The following DLGAP2 variants were observed in gnomAD, a reference collection of about 807,000 sequenced individuals.
DLGAP2 encodes the protein disks large-associated protein 2.
A neutral mutation model predicts 100.3 loss-of-function variants in DLGAP2; 26 were observed. The observed-to-expected ratio is 0.26, with a 90% CI of 0.19 to 0.36. The LOEUF is 0.36. DLGAP2 is among the 10% of genes least tolerant of loss of function. DLGAP2 has a pLI of 1.00. For synonymous variants in DLGAP2, 886 were observed against 630.1 expected, an observed-to-expected ratio of 1.41 and a Z score of -6.08; for missense variants, 1,858 against 1,453.2, an observed-to-expected ratio of 1.28 and a Z score of -4.53.
At chr8:1,234,941 C>T (rs1203703763) in intron 2 of DLGAP2, among the ~76,000 whole-genome samples, 1 of 152,046 alleles carries the variant, frequency 6.6e-6, no homozygotes. Flanking sequence ...AGCATTGTGT[C>T]TGCTTCTCTC....
chr8:1,599,547 A>G (rs534870231), intron 6 of DLGAP2, among the ~76,000 whole-genome samples: 1 of 151,956 alleles, frequency 6.6e-6, no homozygotes, highest in Admixed American at 6.6e-5. Context: ...GTCCTCCTGT[A>G]TTGGGTGCTC....
chr8:1,438,447 C>A (rs1473014370), intron 3 of DLGAP2, among the ~76,000 whole-genome samples: 2 of 152,058 alleles, frequency 1.3e-5, no homozygotes, highest in African/African-American at 4.8e-5. Context: ...GCTAATTTAA[C>A]TTAACAGTAA....
chr8:1,327,323 C>T (rs185060143), intron 3 of DLGAP2, among the ~76,000 whole-genome samples: 2 of 152,348 alleles, frequency 1.3e-5, no homozygotes, highest in Admixed American at 6.5e-5. Flanking sequence ...ACCTGTGGCT[C>T]CACGGGGACT....
intron 2 of DLGAP2, among the ~76,000 whole-genome samples, chr8:1,230,689 C>G (rs557351676): frequency 6.6e-6 from 1 of 152,130 alleles, no homozygotes; most frequent in East Asian, 1.9e-4. Flanking sequence ...AATATACAAC[C>G]CAGAAATGAA....
At chr8:1,441,712 A>G (rs1342849438) in intron 3 of DLGAP2, among the ~76,000 whole-genome samples, 3 of 150,576 alleles carry the variant, frequency 2.0e-5, no homozygotes, top group Non-Finnish European at 4.4e-5. Flanking sequence ...AGTAAAACTC[A>G]TATTTAGCAT....
intron 7 of DLGAP2, among the ~76,000 whole-genome samples, chr8:1,627,662 C>T (rs1221940455): frequency 1.3e-5 from 2 of 152,258 alleles, no homozygotes; most frequent in South Asian, 2.1e-4. Flanking sequence ...AACATTTTCT[C>T]TTAGTGTGGA....
intron 5 of DLGAP2, among the ~76,000 whole-genome samples, chr8:1,555,762 G>C (rs1192975960): frequency 6.6e-6 from 1 of 152,204 alleles, no homozygotes; most frequent in East Asian, 1.9e-4. Context: ...CATCATCTTA[G>C]GACCCAACAC....
chr8:1,202,155 G>C (rs1347728377), intron 2 of DLGAP2, among the ~76,000 whole-genome samples: 3 of 151,160 alleles, frequency 2.0e-5, no homozygotes, highest in African/African-American at 7.4e-5. Flanking sequence ...CACATGTGGT[G>C]TGTACAGTAT....
intron 1 of DLGAP2, among the ~76,000 whole-genome samples, chr8:771,028 A>G (rs533009446): frequency 1.3e-5 from 2 of 152,218 alleles, no homozygotes; most frequent in East Asian, 1.9e-4. Flanking sequence ...TGAGTGTCCT[A>G]TTCTCCAGAC....
chr8:1,574,153 T>C (rs867783376), intron 6 of DLGAP2, among the ~76,000 whole-genome samples: 2 of 152,154 alleles, frequency 1.3e-5, no homozygotes, highest in Non-Finnish European at 2.9e-5. Context: ...AGGGAAATAA[T>C]ATTTTATAGT....
chr8:1,371,576 G>A (rs562088595), intron 3 of DLGAP2, among the ~76,000 whole-genome samples: 2 of 152,266 alleles, frequency 1.3e-5, no homozygotes, highest in South Asian at 2.1e-4. Flanking sequence ...CTCACTTCCC[G>A]TGACTTGATT....
intron 3 of DLGAP2, among the ~76,000 whole-genome samples, chr8:1,391,827 C>T (rs1203697193): frequency 1.3e-5 from 2 of 152,258 alleles, no homozygotes; most frequent in Non-Finnish European, 2.9e-5. Context: ...TAAGCGGAAG[C>T]AGCAAATGTG....
intron 6 of DLGAP2, chr8:1,621,137 T>G (rs566808763): frequency 1.3e-5 from 2 of 152,374 alleles, no homozygotes; most frequent in Admixed American, 1.3e-4. Context: ...CAGACTTACG[T>G]GGGAGGTGCC....
chr8:1,107,080 G>T (rs1804798905), intron 2 of DLGAP2, among the ~76,000 whole-genome samples: 1 of 152,168 alleles, frequency 6.6e-6, no homozygotes, highest in Admixed American at 6.5e-5. Flanking sequence ...AACAAAATGT[G>T]ACTTTTGTGT....
At chr8:853,635 G>T (rs959970528) in intron 1 of DLGAP2, among the ~76,000 whole-genome samples, 1 of 152,182 alleles carries the variant, frequency 6.6e-6, no homozygotes, top group Non-Finnish European at 1.5e-5. Flanking sequence ...GGCCAGCCTC[G>T]CAAGCAGCCG....
chr8:1,072,849 G>C (rs1047826239), intron 2 of DLGAP2, among the ~76,000 whole-genome samples: 1 of 152,226 alleles, frequency 6.6e-6, no homozygotes, highest in Non-Finnish European at 1.5e-5. Flanking sequence ...TGCCGGGAAG[G>C]TTTCGGGGAG....
rs184435088 is a variant in DLGAP2 at position 742,580 on chromosome 8, C to A, written c.18+4755C>A. ...CGGGAGTGCACTGGCATGATCATAG[C>A]TAACTGCAGTCTTGACCTCCTGGGC... On this transcript the variant is annotated intron_variant, in intron 1 of 14. Coordinates refer to ENST00000637795, the MANE Select transcript of DLGAP2 (RefSeq NM_001346810.2). Among the ~76,000 whole-genome samples, 570 of 152,326 alleles carry A rather than the reference C, an allele frequency of 3.7e-3. 18 individuals are homozygous for A. Among genetic ancestry groups the A allele is most frequent in the Admixed American group, 0.034 (521 of 15,298 alleles).
chr8:1,624,868 T>C (rs1797451156), intron 6 of DLGAP2, among the ~76,000 whole-genome samples: 1 of 148,486 alleles, frequency 6.7e-6, no homozygotes, highest in Non-Finnish European at 1.5e-5. Context: ...TCTCTCTCTC[T>C]GTCTCTCTCT....
intron 2 of DLGAP2, among the ~76,000 whole-genome samples, chr8:942,695 A>G (rs897632195): frequency 6.6e-6 from 1 of 152,222 alleles, no homozygotes; most frequent in African/African-American, 2.4e-5. Context: ...ATGTTAGCCA[A>G]CCCCACTTCT....
Sources: allele counts gnomAD v4.1 joint callset (sites outside exome capture counted in the v4.1 genomes callset), GRCh38; gene constraint gnomAD v4.1.1; transcripts MANE v1.5; gene names NCBI Gene and HGNC (gene_info 2026-07-23, HGNC 2026-07-21).